The following SLX4IP variants were observed in gnomAD, a reference collection of about 807,000 sequenced individuals.
SLX4IP encodes the protein protein SLX4IP.
In SLX4IP, 34 loss-of-function variants were observed where a neutral mutation model predicts 32.9. That is an observed-to-expected ratio of 1.03 (90% confidence interval 0.79 to 1.38). The LOEUF (loss-of-function observed/expected upper bound fraction) is 1.38, where lower values mean the gene tolerates loss of function less well. Ranked by LOEUF, SLX4IP falls within the 40% of genes most tolerant of loss-of-function variation. SLX4IP has a pLI of 0.00. For missense variants in SLX4IP, 444 were observed against 479.0 expected, an observed-to-expected ratio of 0.93 and a Z score of 0.68; for synonymous variants, 172 against 171.7, an observed-to-expected ratio of 1.00 and a Z score of -0.01.
intron 4 of SLX4IP, among the ~76,000 whole-genome samples, chr20:10,561,100 T>C (rs2059880167): frequency 6.6e-6 from 1 of 152,226 alleles, no homozygotes; most frequent in African/African-American, 2.4e-5. Context: ...TTTTTATTTT[T>C]AGTAGACTTA....
intron 2 of SLX4IP, among the ~76,000 whole-genome samples, chr20:10,468,491 T>A (rs2065398791): frequency 6.6e-6 from 1 of 152,184 alleles, no homozygotes; most frequent in African/African-American, 2.4e-5. Flanking sequence ...ACTCTCCCCT[T>A]CCTTTTTAAC....
chr20:10,542,023 TAAAC>T lies in SLX4IP; in HGVS notation c.28-14196_28-14193del, dbSNP rs371084671. Among the ~76,000 whole-genome samples, 516 of 152,240 alleles carry T rather than the reference TAAAC, an allele frequency of 3.4e-3. 3 individuals are homozygous for T. The highest frequency in any genetic ancestry group is 0.012 in the African/African-American group (491 of 41,528). Reference sequence around the variant, plus strand: ...TAAGCCCACATTTTTAGGTGTAAACTAAACAAACAAACAAAAAACCAGGAAGCCA... The same window carrying T: ...TAAGCCCACATTTTTAGGTGTAAACTAAACAAACAAAAAACCAGGAAGCCA... On this transcript the variant is annotated intron_variant, in intron 2 of 7. Transcript: ENST00000334534.
chr20:10,522,293 A>T (rs937709391), intron 2 of SLX4IP, among the ~76,000 whole-genome samples: 1 of 152,122 alleles, frequency 6.6e-6, no homozygotes, highest in Admixed American at 6.6e-5. Flanking sequence ...TTTTGTAAAG[A>T]CTTATTAAAG....
intron 2 of SLX4IP, among the ~76,000 whole-genome samples, chr20:10,469,209 C>T (rs6077809): frequency 0.37 from 56,493 of 152,008 alleles, 12,309 homozygotes; most frequent in Non-Finnish European, 0.49. Flanking sequence ...TTCGTCTTGG[C>T]TCATAGAGAA....
At chr20:10,570,030 C>T (rs563606279) in intron 4 of SLX4IP, among the ~76,000 whole-genome samples, 9 of 152,300 alleles carry the variant, frequency 5.9e-5, no homozygotes, top group South Asian at 2.1e-4. Flanking sequence ...GTATGTTCTC[C>T]GTCTTATTTG....
At chr20:10,525,069 T>G (rs2065930233) in intron 2 of SLX4IP, among the ~76,000 whole-genome samples, 1 of 152,238 alleles carries the variant, frequency 6.6e-6, no homozygotes, top group African/African-American at 2.4e-5. Context: ...CCTAGCACAT[T>G]ATTAAAAATA....
intron 2 of SLX4IP, among the ~76,000 whole-genome samples, chr20:10,509,255 T>C (rs650225): frequency 0.6 from 90,801 of 152,078 alleles, 27,449 homozygotes; most frequent in South Asian, 0.74. Context: ...TTATTTCTGT[T>C]ATTCAATTAT....
At position 10,614,458 on chromosome 20, in the gene SLX4IP, A is replaced by G. The variant is rs933821449; in HGVS notation, c.406-6856A>G. Among the ~76,000 whole-genome samples, 8 of 152,314 alleles carry G rather than the reference A, an allele frequency of 5.3e-5. No individual in the cohort carries two copies. In the East Asian group the frequency reaches 1.2e-3, roughly 22 times the overall value. On this transcript the variant is annotated intron_variant, in intron 6 of 7. Transcript: ENST00000334534. ...CTAGGAGGATCATATGGGGTGGGCC[A>G]TGTGGTCAGGATGAGCTGGGATTGG... is the stretch of plus-strand genomic sequence containing the variant.
At chr20:10,574,551 G>T (rs965225107) in intron 4 of SLX4IP, among the ~76,000 whole-genome samples, 1 of 152,070 alleles carries the variant, frequency 6.6e-6, no homozygotes, top group Non-Finnish European at 1.5e-5. Flanking sequence ...TTTTGCATCT[G>T]CTTGGGCTTG....
intron 2 of SLX4IP, among the ~76,000 whole-genome samples, chr20:10,515,622 G>A (rs993771689): frequency 6.6e-5 from 10 of 152,198 alleles, no homozygotes; most frequent in Non-Finnish European, 1.5e-4. Flanking sequence ...TTAAGAAACT[G>A]TTATTTCTCA....
chr20:10,463,388 C>A (rs538314912), intron 2 of SLX4IP, among the ~76,000 whole-genome samples: 1 of 152,066 alleles, frequency 6.6e-6, no homozygotes, highest in Non-Finnish European at 1.5e-5. Context: ...CAGCGGAGAG[C>A]CTCATCTTGT....
At chr20:10,483,143 A>G (rs1168357142) in intron 2 of SLX4IP, among the ~76,000 whole-genome samples, 1 of 152,110 alleles carries the variant, frequency 6.6e-6, no homozygotes, top group Non-Finnish European at 1.5e-5. Flanking sequence ...TTGTTTTGAG[A>G]CAGTCTCGCT....
intron 2 of SLX4IP, among the ~76,000 whole-genome samples, chr20:10,471,373 A>G (rs2065423555): frequency 6.6e-6 from 1 of 152,224 alleles, no homozygotes; most frequent in Non-Finnish European, 1.5e-5. Flanking sequence ...TGAGAAATTA[A>G]TGTGTCAAAC....
chr20:10,565,619 A>G (rs1484044248), intron 4 of SLX4IP, among the ~76,000 whole-genome samples: 2 of 152,216 alleles, frequency 1.3e-5, no homozygotes, highest in Non-Finnish European at 2.9e-5. Flanking sequence ...TTACCTTGGG[A>G]AAGTGACACT....
chr20:10,569,408 AC>A, intron 4 of SLX4IP, among the ~76,000 whole-genome samples: 1 of 150,828 alleles, frequency 6.6e-6, no homozygotes, highest in South Asian at 2.1e-4. Context: ...CTGGTGATCC[AC>A]CCCCTTCGGC....
intron 2 of SLX4IP, among the ~76,000 whole-genome samples, chr20:10,519,260 G>A (rs1284816173): frequency 1.3e-5 from 2 of 152,112 alleles, no homozygotes; most frequent in Admixed American, 6.5e-5. Context: ...TAATTCAGTA[G>A]TTTTTAGTAT....
At chr20:10,549,347 A>G (rs926021983) in intron 2 of SLX4IP, among the ~76,000 whole-genome samples, 1 of 151,980 alleles carries the variant, frequency 6.6e-6, no homozygotes, top group Non-Finnish European at 1.5e-5. Flanking sequence ...GGGGCCCTAC[A>G]GTGAGCTCTC....
chr20:10,456,248 T>A (rs1014351533), intron 1 of SLX4IP, among the ~76,000 whole-genome samples: 1 of 152,230 alleles, frequency 6.6e-6, no homozygotes, highest in African/African-American at 2.4e-5. Flanking sequence ...CTGAAGCACT[T>A]CTGGTCCTAA....
intron 4 of SLX4IP, among the ~76,000 whole-genome samples, chr20:10,594,264 A>T (rs183291202): frequency 5.1e-4 from 77 of 152,308 alleles, no homozygotes; most frequent in African/African-American, 1.8e-3. Flanking sequence ...AGAAGTACTG[A>T]GGGGCATCGT....
Sources: gnomAD v4.1 joint callset for allele counts (sites outside exome capture counted in the v4.1 genomes callset) on GRCh38, gnomAD v4.1.1 for gene constraint, MANE v1.5 for transcripts, NCBI Gene and HGNC (gene_info 2026-07-23, HGNC 2026-07-21) for gene names.